The following CCNY variants were observed in gnomAD, a reference collection of about 807,000 sequenced individuals.
CCNY encodes cyclin-Y.
A neutral mutation model predicts 42.8 loss-of-function variants in CCNY; 19 were observed. The ratio of observed to expected loss-of-function variants is 0.44; its 90% CI spans 0.31 to 0.65. The LOEUF (loss-of-function observed/expected upper bound fraction) is 0.65. Among genes scored for constraint, CCNY ranks in the 30% least tolerant of loss-of-function variants. CCNY has a pLI of 0.07. For missense variants in CCNY, 370 were observed against 437.3 expected (o/e 0.85, Z 1.37); for synonymous variants, 165 against 162.7 (o/e 1.01, Z -0.11).
chr10:35,483,441 G>C lies in CCNY; in HGVS notation c.192G>C (p.Arg64=). Residue 64 remains arginine, a synonymous_variant, in exon 2 of 10, where the codon CGG becomes CGC. Coordinates refer to ENST00000374704, the MANE Select transcript of CCNY (RefSeq NM_145012.6). Reference sequence around the variant, plus strand: ...AATTCAATCCTTCAGATCATCCTCGGGCCAGCACAATATTCCTCAGTAAAT... The same window carrying C: ...AATTCAATCCTTCAGATCATCCTCGCGCCAGCACAATATTCCTCAGTAAAT... ...NMEFNPSDHP[R]ASTIFLSKSQ... is the part of the protein sequence containing the mutation. 6.2e-7 allele frequency: 1 copy of C among 1,609,018 alleles called. No individual in the cohort carries two copies. Among genetic ancestry groups the C allele is most frequent in the South Asian group, 1.1e-5 (1 of 90,556 alleles).
chr10:35,405,056 A>G (rs111328747), intron 1 of CCNY, among the ~76,000 whole-genome samples: 1,966 of 152,252 alleles, frequency 0.013, 37 homozygotes, highest in African/African-American at 0.044. Context: ...AGAGTATATG[A>G]CTTTGGCACC....
At chr10:35,389,373 A>G (rs1314973074) in intron 1 of CCNY, among the ~76,000 whole-genome samples, 1 of 151,678 alleles carries the variant, frequency 6.6e-6, no homozygotes, top group Non-Finnish European at 1.5e-5. Flanking sequence ...GTGTTTGCTG[A>G]GCTAAAGGGA....
intron 3 of CCNY, among the ~76,000 whole-genome samples, chr10:35,327,058 G>C (rs1480325874): frequency 6.6e-6 from 1 of 152,128 alleles, no homozygotes; most frequent in Non-Finnish European, 1.5e-5. Flanking sequence ...TTTATACAAA[G>C]ATTAATAAGG....
chr10:35,282,560 T>C lies in CCNY; in HGVS notation c.-9+31934T>C, dbSNP rs528934083. 2.0e-5 allele frequency among the ~76,000 whole-genome samples: 3 copies of C among 151,750 alleles called. No homozygotes were observed. In the East Asian group the frequency reaches 5.8e-4, roughly 29 times the overall value. On this transcript the variant is annotated intron_variant, in intron 3 of 11. Coordinates refer to the CCNY transcript ENST00000374706. ...GGCCAACATGGTGAAACCCTGTCTCTACTAAAAATACAAAAAATTAACTGG... is the reference window on the plus strand; with the variant it reads ...GGCCAACATGGTGAAACCCTGTCTCCACTAAAAATACAAAAAATTAACTGG...
intron 3 of CCNY, among the ~76,000 whole-genome samples, chr10:35,253,407 GCTCA>G (rs1368754557): frequency 3.5e-5 from 5 of 143,382 alleles, no homozygotes; most frequent in African/African-American, 1.0e-4. Flanking sequence ...GCACCAGCAT[GCTCA>G]CTATTTTTTT....
intron 1 of CCNY, among the ~76,000 whole-genome samples, chr10:35,373,849 TACAC>T (rs1836992773): frequency 4.6e-5 from 7 of 152,204 alleles, no homozygotes. Context: ...AGTCAAAAGT[TACAC>T]ACAGATTTTC....
upstream of CCNY, chr10:35,332,496 A>C (rs1270735135): frequency 6.6e-6 from 1 of 152,218 alleles, no homozygotes; most frequent in African/African-American, 2.4e-5. Context: ...GTTGATACTA[A>C]TATTGCTTAT....
chr10:35,374,786 T>TG (rs1471481684), intron 1 of CCNY, among the ~76,000 whole-genome samples: 1 of 152,056 alleles, frequency 6.6e-6, no homozygotes, highest in Non-Finnish European at 1.5e-5. Flanking sequence ...TTAAAGATAG[T>TG]GGGAAAAAAA....
chr10:35,405,521 A>G (rs973059658), intron 1 of CCNY, among the ~76,000 whole-genome samples: 5 of 152,180 alleles, frequency 3.3e-5, no homozygotes, highest in Non-Finnish European at 5.9e-5. Flanking sequence ...GATAACTAAA[A>G]AGGAGTGCAT....
intron 1 of CCNY, among the ~76,000 whole-genome samples, chr10:35,444,261 T>TC (rs1838741075): frequency 6.6e-6 from 1 of 151,628 alleles, no homozygotes; most frequent in South Asian, 2.1e-4. Context: ...TTTTTTTTTT[T>TC]TTTTGGAGAC....
intron 7 of CCNY, among the ~76,000 whole-genome samples, chr10:35,536,273 G>A (rs983209236): frequency 1.3e-5 from 2 of 151,982 alleles, no homozygotes; most frequent in East Asian, 1.9e-4. Flanking sequence ...TTCACCCTCC[G>A]CCATGATTCT....
At chr10:35,503,141 G>T (rs1306371364) in intron 3 of CCNY, among the ~76,000 whole-genome samples, 1 of 151,928 alleles carries the variant, frequency 6.6e-6, no homozygotes, top group South Asian at 2.1e-4. Flanking sequence ...GTCCTGTATA[G>T]TCTGAGCACC....
chr10:35,358,010 A>G (rs959747447), intron 1 of CCNY, among the ~76,000 whole-genome samples: 1 of 151,952 alleles, frequency 6.6e-6, no homozygotes, highest in South Asian at 2.1e-4. Flanking sequence ...TTCTTTTGCT[A>G]TGTCCTTATC....
intron 1 of CCNY, among the ~76,000 whole-genome samples, chr10:35,412,158 C>T (rs1837919963): frequency 6.6e-6 from 1 of 152,156 alleles, no homozygotes; most frequent in Non-Finnish European, 1.5e-5. Flanking sequence ...GAGAAGTGAC[C>T]TCCCACTTAA....
intron 1 of CCNY, among the ~76,000 whole-genome samples, chr10:35,359,688 T>G (rs1368383701): frequency 6.6e-6 from 1 of 152,160 alleles, no homozygotes; most frequent in East Asian, 1.9e-4. Flanking sequence ...ACATTCACAT[T>G]GCTGTGCAAC....
At chr10:35,401,265 T>C (rs1273885465) in intron 1 of CCNY, among the ~76,000 whole-genome samples, 1 of 152,246 alleles carries the variant, frequency 6.6e-6, no homozygotes, top group Non-Finnish European at 1.5e-5. Context: ...GAGGACTGCG[T>C]AGAGGACCAT....
At chr10:35,271,840 C>G (rs1835172376) in intron 3 of CCNY, among the ~76,000 whole-genome samples, 1 of 152,174 alleles carries the variant, frequency 6.6e-6, no homozygotes, top group Non-Finnish European at 1.5e-5. Flanking sequence ...CTCACATGCT[C>G]CTTTCTTTCT....
chr10:35,494,765 G>A (rs1425172190), intron 2 of CCNY, among the ~76,000 whole-genome samples: 1 of 152,202 alleles, frequency 6.6e-6, no homozygotes, highest in Non-Finnish European at 1.5e-5. Context: ...TCATATATGA[G>A]CACATGTATA....
intron 2 of CCNY, 121 bp downstream of exon 2, chr10:35,483,599 A>T: frequency 1.6e-6 from 1 of 621,550 alleles, no homozygotes; most frequent in Non-Finnish European, 2.8e-6. Flanking sequence ...TGACCCACAC[A>T]TATACTGTTT....
Sources: allele counts gnomAD v4.1 joint callset (sites outside exome capture counted in the v4.1 genomes callset), GRCh38; gene constraint gnomAD v4.1.1; transcripts MANE v1.5; gene names NCBI Gene and HGNC (gene_info 2026-07-23, HGNC 2026-07-21).